Variants in BCAT2 observed in about 807,000 individuals in gnomAD.
BCAT2 encodes the protein branched-chain-amino-acid aminotransferase, mitochondrial.
In BCAT2, 44 loss-of-function variants were observed where a neutral mutation model predicts 52.9. That is an observed-to-expected ratio of 0.83 (90% CI 0.65 to 1.07). BCAT2 has a LOEUF of 1.07. Among genes scored for constraint, BCAT2 ranks in the 50% least tolerant of loss-of-function variants. The probability of loss-of-function intolerance (pLI) is 0.00; values close to 1 mark genes in which losing one functional copy is unlikely to be tolerated. For missense variants in BCAT2, 478 were observed against 521.8 expected (o/e 0.92, Z 0.82); for synonymous variants, 215 against 217.1 (o/e 0.99, Z 0.08).
chr19:48,810,119 C>T (rs141387476), intron 1 of BCAT2, among the ~76,000 whole-genome samples: 103 of 152,202 alleles, frequency 6.8e-4, no homozygotes, highest in African/African-American at 2.3e-3. Flanking sequence ...AGATTGCCCA[C>T]ATACCCCAGG....
rs2034470383 is a variant in BCAT2, at chr19:48,795,192, C to G, written c.*234G>C. 5 of 599,102 alleles carry G rather than the reference C, an allele frequency of 8.3e-6. No individual in the cohort carries two copies. The highest frequency in any genetic ancestry group is 2.8e-5 in the East Asian group (1 of 35,894). The allele number at this position is 599,102 out of a possible 1,614,324, so 37.1% of individuals were successfully genotyped here. A position where few individuals can be genotyped will look rare whatever the true frequency, so the allele number is the denominator to read the frequency against. On this transcript the variant is annotated 3_prime_UTR_variant, in exon 11 of 11. Transcript: ENST00000316273. ...GGGCCAAGGTGTATCCTTGACCGCACGACAAGGAGTAATGGGCGGACCTGA... is the reference window on the plus strand; with the variant it reads ...GGGCCAAGGTGTATCCTTGACCGCAGGACAAGGAGTAATGGGCGGACCTGA...
chr19:48,799,732 G>A lies in BCAT2; in HGVS notation c.638C>T (p.Ala213Val), dbSNP rs866011824. 1 of 1,594,480 alleles carries A rather than the reference G, an allele frequency of 6.3e-7. No homozygotes were observed. The highest frequency in any genetic ancestry group is 8.5e-7 in the Non-Finnish European group (1 of 1,171,868). The change falls in exon 6 of 11, where the codon GCC becomes GTC. Residue 213 changes from alanine (A) to valine (V), a missense_variant. By Grantham distance (64) the Ala-to-Val change is moderately conservative (BLOSUM62 0). Transcript: ENST00000316273. The surrounding 1 kb of genome is among the most constrained non-coding windows in gnomAD (Gnocchi z 5.5). ...GGSVTPVSLL[A>V]DPAFIRAWVG... is the part of the protein sequence containing the mutation. Reference sequence around the variant, plus strand: ...CCAGGCCCGGATGAAGGCTGGGTCGGCCAGGAGGGAGACCGGGGTCACGGA... The same window carrying A: ...CCAGGCCCGGATGAAGGCTGGGTCGACCAGGAGGGAGACCGGGGTCACGGA...
chr19:48,804,708 T>G (rs2034727444), intron 3 of BCAT2, among the ~76,000 whole-genome samples: 2 of 152,130 alleles, frequency 1.3e-5, no homozygotes, highest in Admixed American at 1.3e-4. Flanking sequence ...GCGTTCTGTC[T>G]GCCAGGGCCA....
At position 48,796,517 on chromosome 19, in the gene BCAT2, G is replaced by A; in HGVS notation, c.1066-15C>T. 1 of 1,612,194 alleles carries A rather than the reference G, an allele frequency of 6.2e-7. No homozygotes were observed. Among genetic ancestry groups the A allele is most frequent in the Non-Finnish European group, 8.5e-7 (1 of 1,179,532 alleles). On this transcript the variant is annotated splice_polypyrimidine_tract_variant and intron_variant, in intron 9 of 10. Transcript: ENST00000316273. Reference sequence around the variant, plus strand: ...ATGTGGAGGTTCTGGGACAGAAGGTGCGGTGAGGACCAAGCCCCTCCCCTC... The same window carrying A: ...ATGTGGAGGTTCTGGGACAGAAGGTACGGTGAGGACCAAGCCCCTCCCCTC...
chr19:48,803,651 C>A (rs2034702753), intron 3 of BCAT2, among the ~76,000 whole-genome samples: 1 of 151,668 alleles, frequency 6.6e-6, no homozygotes, highest in South Asian at 2.1e-4. Flanking sequence ...AGTTCAAAAC[C>A]AGCCTGGGTA....
intron 6 of BCAT2, among the ~76,000 whole-genome samples, chr19:48,797,994 C>T (rs6509405): frequency 0.56 from 84,186 of 150,314 alleles, 24,204 homozygotes; most frequent in African/African-American, 0.69. Flanking sequence ...AATTTATATT[C>T]ACATTTATAT....
intron 1 of BCAT2, chr19:48,808,094 C>A (rs1371323693): frequency 1.0e-6 from 1 of 987,262 alleles, no homozygotes; most frequent in Non-Finnish European, 1.2e-6. Flanking sequence ...GGTCACTTGT[C>A]GCTAGGTGAG....
Position 48,800,072 on chromosome 19 carries a change from C to CACTCCAGCA in BCAT2, c.431_439dup (p.Leu144_Glu146dup). The CACTCCAGCA allele has an allele frequency of 6.2e-7, 1 of 1,614,074 alleles. No individual in the cohort carries two copies. The highest frequency in any genetic ancestry group is 8.5e-7 in the Non-Finnish European group (1 of 1,179,946). ...GTCCACTTCGATGAGCCGGCGGATG[C>CACTCCAGCA]ACTCCAGCAACTCCAGCTTGTCGAA... is the stretch of plus-strand genomic sequence containing the variant. On this transcript the variant is annotated inframe_insertion, in exon 5 of 11. Coordinates refer to ENST00000316273, the MANE Select transcript of BCAT2 (RefSeq NM_001190.4).
intron 1 of BCAT2, among the ~76,000 whole-genome samples, chr19:48,810,550 A>C (rs992153681): frequency 1.3e-5 from 2 of 152,036 alleles, no homozygotes; most frequent in Non-Finnish European, 2.9e-5. Flanking sequence ...CCTTGAGTCC[A>C]ATTCCCAGAG....
chr19:48,798,691 C>G (rs1384266882), intron 6 of BCAT2: 1 of 151,776 alleles, frequency 6.6e-6, no homozygotes, highest in Non-Finnish European at 1.5e-5. Context: ...GTGGCGCGAT[C>G]TCGGCTCACT....
chr19:48,797,573 CG>C (rs2034556261), intron 6 of BCAT2: 1 of 491,556 alleles, frequency 2.0e-6, no homozygotes, highest in Non-Finnish European at 3.6e-6. Flanking sequence ...TTTTTTAAGA[CG>C]GAGTCTCGCT....
rs1286306178 is a variant in BCAT2, at chr19:48,795,451, G to A, written c.1154C>T (p.Ala385Val). ...TCACACCGGGAACATCCACTCGTGG[G>A]CTCTGATTCCGTACTGCGGAACAAC... ...ELKEIQYGIR[A>V]HEWMFPV Residue 385 changes from alanine to valine, a missense_variant, in exon 11 of 11, where the codon GCC (alanine) becomes GTC (valine). Coordinates refer to ENST00000316273, the MANE Select transcript of BCAT2 (RefSeq NM_001190.4). 6.2e-7 allele frequency: 1 copy of A among 1,613,988 alleles called. No homozygotes were observed. The highest frequency in any genetic ancestry group is 8.5e-7 in the Non-Finnish European group (1 of 1,179,988).
Position 48,796,991 on chromosome 19 carries a change from A to G in BCAT2, c.870T>C (p.Gly290=). 1 of 1,614,080 alleles carries G rather than the reference A, an allele frequency of 6.2e-7. No individual in the cohort carries two copies. Among genetic ancestry groups the G allele is most frequent in the Non-Finnish European group, 8.5e-7 (1 of 1,180,006 alleles). Residue 290 remains glycine (G), a synonymous_variant, in exon 8 of 11, where the codon GGT becomes GGC. Transcript: ENST00000316273. ...GTCTGACCACTCCAGGCAGGATAAC[A>G]CCATTCAGCGGGGGCGTCACCAGCT... ...VLELVTPPLN[G]VILPGVVRQS... is the part of the protein sequence containing the mutation.
chr19:48,808,286 C>T (rs939192881), intron 1 of BCAT2: 22 of 982,778 alleles, frequency 2.2e-5, no homozygotes, highest in Admixed American at 1.9e-4. Context: ...AAACACAGTG[C>T]GACAGCCAGC....
chr19:48,810,801 C>T lies in BCAT2; in HGVS notation c.24+183G>A. ...CCACCTCATCCGCGTCTACCTGCTC[C>T]CCCTCACCCCATTAAAGCCTCGTGC... On this transcript the variant is annotated intron_variant, in intron 1 of 10. Coordinates refer to ENST00000316273, the MANE Select transcript of BCAT2 (RefSeq NM_001190.4). 4 of 1,420,268 alleles carry T rather than the reference C, an allele frequency of 2.8e-6. No individual in the cohort carries two copies. The South Asian group carries it at 6.0e-5, about 21-fold the overall frequency. 88.0% of individuals were successfully genotyped at this position (1,420,268 alleles called of 1,614,324 possible).
chr19:48,799,957 T>A lies in BCAT2; in HGVS notation c.531+24A>T. 6.2e-7 allele frequency: 1 copy of A among 1,611,470 alleles called. No homozygotes were observed. The highest frequency in any genetic ancestry group is 8.5e-7 in the Non-Finnish European group (1 of 1,178,264). ...AGAATCCAACCCCCGCAGCCCAGCT[T>A]CCCAGCCCTGGAGTTGGGCCCACCT... On this transcript the variant is annotated intron_variant, in intron 5 of 10. Transcript: ENST00000316273. This position sits in a 1 kb window ranked among gnomAD's most constrained non-coding sequence, Gnocchi z 5.5.
chr19:48,800,416 G>A, intron 3 of BCAT2, 119 bp from the exon 4 acceptor site: 1 of 859,176 alleles, frequency 1.2e-6, no homozygotes, highest in Non-Finnish European at 1.8e-6. Context: ...AGGCCAAGAG[G>A]AGAGCACCGG....
Position 48,795,469 on chromosome 19 carries a change from G to A in BCAT2, c.1141-5C>T, listed in dbSNP as rs768653719. The A allele has an allele frequency of 1.4e-5, 22 of 1,613,674 alleles. No homozygotes were observed. Among genetic ancestry groups the A allele is most frequent in the Non-Finnish European group, 1.7e-5 (20 of 1,179,906 alleles). On this transcript the variant is annotated splice_polypyrimidine_tract_variant and splice_region_variant and intron_variant, in intron 10 of 10. Transcript: ENST00000316273. ...CTCGTGGGCTCTGATTCCGTACTGC[G>A]GAACAACGGAGGCAGTGCGTGAGGT... is the stretch of plus-strand genomic sequence containing the variant.
Position 48,808,011 on chromosome 19 carries a change from G to GTGGCC in BCAT2, c.25-942_25-938dup, listed in dbSNP as rs927786685. ...GGGGCGTGAGGTTGAGAGAGACAGAGTGGCCTGGCCTGGCCTGCCCTGTGA... is the reference window on the plus strand; with the variant it reads ...GGGGCGTGAGGTTGAGAGAGACAGAGTGGCCTGGCCTGGCCTGGCCTGCCCTGTGA... On this transcript the variant is annotated intron_variant, in intron 1 of 10. Coordinates refer to ENST00000316273, the MANE Select transcript of BCAT2 (RefSeq NM_001190.4). The GTGGCC allele has an allele frequency of 6.1e-6, 6 of 986,312 alleles. No homozygotes were observed. The African/African-American group carries it at 1.0e-4, about 17-fold the overall frequency. 61.1% of individuals were successfully genotyped at this position (986,312 alleles called of 1,614,324 possible). A position where few individuals can be genotyped will look rare whatever the true frequency, so the allele number is the denominator to read the frequency against.
Sources: gnomAD v4.1 joint callset for allele counts (sites outside exome capture counted in the v4.1 genomes callset) on GRCh38, gnomAD v4.1.1 for gene constraint, Gnocchi (gnomAD v3.1) non-coding constraint, MANE v1.5 for transcripts, NCBI Gene and HGNC (gene_info 2026-07-23, HGNC 2026-07-21) for gene names.